The following PCDHGC4 variants were observed in gnomAD, a reference collection of about 807,000 sequenced individuals.
The protein encoded by PCDHGC4 is protocadherin gamma subfamily C, 4, also known as protocadherin gamma-C4.
A neutral mutation model predicts 59.7 loss-of-function variants in PCDHGC4; 15 were observed. The ratio of observed to expected loss-of-function variants is 0.25; its 90% confidence interval spans 0.17 to 0.39. The LOEUF is 0.39. Ranked by LOEUF, PCDHGC4 falls within the 10% of genes least tolerant of loss-of-function variation. The pLI is 1.00. For synonymous variants in PCDHGC4, 434 were observed against 481.4 expected (o/e 0.90, Z 1.29); for missense variants, 1,016 against 1,189.5 (o/e 0.85, Z 2.15).
chr5:141,490,715 C>G lies in PCDHGC4; in HGVS notation c.2442+3100C>G, dbSNP rs757619272. The stretch of plus-strand genomic sequence containing the variant: ...GGGGATAATGCCCGCCTCACCTACT[C>G]CATTGTAGGAAATCAGGTTCAGGGA... On this transcript the variant is annotated intron_variant, in intron 1 of 3. Coordinates refer to ENST00000306593, the MANE Select transcript of PCDHGC4 (RefSeq NM_018928.3). This position sits in a 1 kb window ranked among gnomAD's most constrained non-coding sequence, Gnocchi z 5.4. 14 of 1,614,130 alleles carry G rather than the reference C, an allele frequency of 8.7e-6. No individual in the cohort carries two copies. Among genetic ancestry groups the G allele is most frequent in the Non-Finnish European group, 1.1e-5 (13 of 1,179,978 alleles).
At chr5:141,499,399 C>A (rs2099791676) in intron 2 of PCDHGC4, among the ~76,000 whole-genome samples, 1 of 152,072 alleles carries the variant, frequency 6.6e-6, no homozygotes, top group Non-Finnish European at 1.5e-5. Flanking sequence ...ATAGTACATG[C>A]TCATTATAGA....
chr5:141,494,943 G>A, intron 2 of PCDHGC4, 78 bp downstream of exon 2: 2 of 1,610,326 alleles, frequency 1.2e-6, no homozygotes, highest in Non-Finnish European at 1.7e-6. Flanking sequence ...ATGGGGGAGG[G>A]CCCAGCATTT....
At chr5:141,510,062 G>GA (rs1448334820) in intron 3 of PCDHGC4, among the ~76,000 whole-genome samples, 1 of 152,150 alleles carries the variant, frequency 6.6e-6, no homozygotes. Flanking sequence ...TTGTGCATGT[G>GA]AAGCATCCAG....
At chr5:141,495,052 CTGTT>C (rs1406995321) in intron 2 of PCDHGC4, among the ~76,000 whole-genome samples, 187 bp downstream of exon 2, 1 of 152,190 alleles carries the variant, frequency 6.6e-6, no homozygotes, top group Non-Finnish European at 1.5e-5. Context: ...ACTGCCCTGA[CTGTT>C]CAGGAAGCTC....
chr5:141,500,430 C>T (rs2099800127), intron 2 of PCDHGC4, among the ~76,000 whole-genome samples: 1 of 151,676 alleles, frequency 6.6e-6, no homozygotes, highest in African/African-American at 2.4e-5. Context: ...AGGATGGTCT[C>T]GATCTCCTGA....
chr5:141,502,457 A>G lies in PCDHGC4; in HGVS notation c.2502-2936A>G, dbSNP rs950959171. 6.6e-5 allele frequency among the ~76,000 whole-genome samples: 10 copies of G among 151,926 alleles called. No individual in the cohort carries two copies. The South Asian group carries it at 1.7e-3, about 25-fold the overall frequency. On this transcript the variant is annotated intron_variant, in intron 2 of 3. Coordinates refer to ENST00000306593, the MANE Select transcript of PCDHGC4 (RefSeq NM_018928.3). The stretch of plus-strand genomic sequence containing the variant: ...TTAGATTCAGATTACACACCTTGGT[A>G]GGAATACTTCCCGCAGCATCACACT...
In PCDHGC4 at chr5:141,489,088, G is replaced by GGCA; in HGVS notation, c.2442+1473_2442+1474insGCA. The GGCA allele has an allele frequency of 2.9e-6, 1 of 347,238 alleles. No individual in the cohort carries two copies. Among genetic ancestry groups the GGCA allele is most frequent in the Non-Finnish European group, 5.0e-6 (1 of 200,706 alleles). The allele number at this position is 347,238 out of a possible 1,614,324, so 21.5% of individuals were successfully genotyped here. A position where few individuals can be genotyped will look rare whatever the true frequency, so the allele number is the denominator to read the frequency against. The stretch of plus-strand genomic sequence containing the variant: ...CCCCTGCCCACCCCCGCCACTCGGT[G>GGCA]ACTAAGAACTGCTGCAAGCAGGCAA... On this transcript the variant is annotated intron_variant, in intron 1 of 3. Coordinates refer to ENST00000306593, the MANE Select transcript of PCDHGC4 (RefSeq NM_018928.3). This position sits in a 1 kb window ranked among gnomAD's most constrained non-coding sequence, Gnocchi z 4.5.
chr5:141,486,379 G>A lies in PCDHGC4; in HGVS notation c.1206G>A (p.Arg402=). 2 of 1,614,094 alleles carry A rather than the reference G, an allele frequency of 1.2e-6. No individual in the cohort carries two copies. Among genetic ancestry groups the A allele is most frequent in the Non-Finnish European group, 1.7e-6 (2 of 1,180,000 alleles). The part of the protein sequence containing the change: ...HLPFALKSAF[R]NQFSLVTAGP... ...CATTTGCCCTCAAGTCTGCCTTCAG[G>A]AACCAGTTCTCCCTGGTGACTGCTG... The change falls in exon 1 of 4, where the codon AGG becomes AGA. Residue 402 remains arginine (R), a synonymous_variant. Transcript: ENST00000306593. The surrounding 1 kb of genome is among the most constrained non-coding windows in gnomAD (Gnocchi z 5.0).
rs753936459 is a variant in PCDHGC4 at position 141,501,288 on chromosome 5, TATAC to T, written c.2502-4103_2502-4100del. Among the ~76,000 whole-genome samples the T allele has an allele frequency of 4.5e-4, 37 of 81,322 alleles. No homozygotes were observed. The South Asian group carries it at 5.1e-3, about 11-fold the overall frequency. 53.4% of individuals were successfully genotyped at this position (81,322 alleles called of 152,430 possible). A position where few individuals can be genotyped will look rare whatever the true frequency, so the allele number is the denominator to read the frequency against. ...TAGTCCAGTCTATGGGATATTCCCT[TATAC>T]ACACACACACACACACACACACACA... On this transcript the variant is annotated intron_variant, in intron 2 of 3. Coordinates refer to ENST00000306593, the MANE Select transcript of PCDHGC4 (RefSeq NM_018928.3).
intron 3 of PCDHGC4, among the ~76,000 whole-genome samples, chr5:141,506,484 C>T (rs1489425559): frequency 6.6e-6 from 1 of 150,566 alleles, no homozygotes; most frequent in Non-Finnish European, 1.5e-5. Context: ...GCTTTAGAGG[C>T]AGGCCAATCT....
Position 141,491,757 on chromosome 5 carries a change from C to G in PCDHGC4, c.2443-3050C>G. ...CTGGGGGCGGCACTGGAGAAGCCGC[C>G]CGTCCTCATAAGGGATTGAACTTGC... On this transcript the variant is annotated intron_variant, in intron 1 of 3. Coordinates refer to ENST00000306593, the MANE Select transcript of PCDHGC4 (RefSeq NM_018928.3). This position sits in a 1 kb window ranked among gnomAD's most constrained non-coding sequence, Gnocchi z 6.9. 1 of 1,580,374 alleles carries G rather than the reference C, an allele frequency of 6.3e-7. No individual in the cohort carries two copies. The highest frequency in any genetic ancestry group is 1.9e-5 in the Admixed American group (1 of 53,534).
rs761831761 is a variant in PCDHGC4 at position 141,485,471 on chromosome 5, G to A, written c.298G>A (p.Ala100Thr). The A allele has an allele frequency of 4.3e-6, 7 of 1,614,144 alleles. No homozygotes were observed. The Admixed American group carries it at 5.0e-5, about 12-fold the overall frequency. Residue 100 changes from alanine to threonine, a missense_variant, in exon 1 of 4, where the codon GCC (alanine) becomes ACC (threonine). Transcript: ENST00000306593. This position sits in a 1 kb window ranked among gnomAD's most constrained non-coding sequence, Gnocchi z 5.7. ...IDREALCGLS[A>T]SCIVPLEFVT... is the part of the protein sequence containing the mutation. ...CCGAGAGGCACTGTGTGGGCTCAGT[G>A]CCAGCTGCATCGTGCCCCTGGAGTT...
chr5:141,491,247 G>A lies in PCDHGC4; in HGVS notation c.2443-3560G>A, dbSNP rs1356752106. ...CAGTGCTGCTGGTTCTGGAGGATGA[G>A]GACCCTGAGGAAATGCCCAAATCCA... On this transcript the variant is annotated intron_variant, in intron 1 of 3. Coordinates refer to ENST00000306593, the MANE Select transcript of PCDHGC4 (RefSeq NM_018928.3). The surrounding 1 kb of genome is among the most constrained non-coding windows in gnomAD (Gnocchi z 6.9). The A allele has an allele frequency of 3.2e-5, 51 of 1,614,192 alleles. No individual in the cohort carries two copies. The highest frequency in any genetic ancestry group is 4.3e-5 in the Non-Finnish European group (51 of 1,180,018).
intron 3 of PCDHGC4, among the ~76,000 whole-genome samples, chr5:141,506,282 C>G (rs1422321122): frequency 6.6e-6 from 1 of 152,040 alleles, no homozygotes; most frequent in East Asian, 1.9e-4. Flanking sequence ...AACCCTGTCT[C>G]TACTAAAAAT....
chr5:141,492,316 G>C (rs1283387204), intron 1 of PCDHGC4, among the ~76,000 whole-genome samples: 1 of 152,190 alleles, frequency 6.6e-6, no homozygotes. Context: ...CGCACTCCTC[G>C]CACGTGGGCT....
At chr5:141,496,759 C>T (rs1287940646) in intron 2 of PCDHGC4, among the ~76,000 whole-genome samples, 2 of 152,038 alleles carry the variant, frequency 1.3e-5, no homozygotes, top group South Asian at 4.2e-4. Context: ...AAATATTTAT[C>T]GAGCATCTAC....
chr5:141,503,924 G>C (rs1282755998), intron 2 of PCDHGC4, among the ~76,000 whole-genome samples: 1 of 152,146 alleles, frequency 6.6e-6, no homozygotes, highest in Non-Finnish European at 1.5e-5. Flanking sequence ...CACACACACA[G>C]ACATTTTCAT....
At chr5:141,488,932 A>G (rs2233598) in intron 1 of PCDHGC4, among the ~76,000 whole-genome samples, 31,368 of 152,090 alleles carry the variant, frequency 0.21, 3,372 homozygotes, top group Admixed American at 0.31. Flanking sequence ...GGATTGAGGA[A>G]ACTCCATAAT....
rs1306500688 is a variant in PCDHGC4 at position 141,491,142 on chromosome 5, A to T, written c.2442+3527A>T. ...GTGAGGTGCGCACAGCCCGGGCCTTACTGGAGGATGACTCTGACACCCAGC... is the reference window on the plus strand; with the variant it reads ...GTGAGGTGCGCACAGCCCGGGCCTTTCTGGAGGATGACTCTGACACCCAGC... On this transcript the variant is annotated intron_variant, in intron 1 of 3. Coordinates refer to ENST00000306593, the MANE Select transcript of PCDHGC4 (RefSeq NM_018928.3). This position sits in a 1 kb window ranked among gnomAD's most constrained non-coding sequence, Gnocchi z 6.9. 6.2e-7 allele frequency: 1 copy of T among 1,614,090 alleles called. No homozygotes were observed. Among genetic ancestry groups the T allele is most frequent in the Non-Finnish European group, 8.5e-7 (1 of 1,179,976 alleles).
Sources: allele counts gnomAD v4.1 joint callset (sites outside exome capture counted in the v4.1 genomes callset), GRCh38; gene constraint gnomAD v4.1.1; non-coding constraint Gnocchi (gnomAD v3.1); transcripts MANE v1.5; gene names NCBI Gene and HGNC (gene_info 2026-07-23, HGNC 2026-07-21).